TANGO2: variants seen among roughly 807,000 people sequenced by gnomAD.
The protein encoded by TANGO2 is transport and Golgi organization protein 2 homolog.
Under a neutral mutation model 39.1 loss-of-function variants are expected in TANGO2, and 26 were observed. The ratio of observed to expected loss-of-function variants is 0.67; its 90% CI spans 0.49 to 0.92. The LOEUF is 0.92. Ranked by LOEUF, TANGO2 falls within the 40% of genes least tolerant of loss-of-function variation. The pLI is 0.00. For missense variants in TANGO2, 326 were observed against 360.1 expected, an observed-to-expected ratio of 0.91 and a Z score of 0.77; for synonymous variants, 131 against 144.5, an observed-to-expected ratio of 0.91 and a Z score of 0.67.
chr22:20,037,778 G>A (rs1280471037), intron 2 of TANGO2, among the ~76,000 whole-genome samples: 1 of 152,206 alleles, frequency 6.6e-6, no homozygotes, highest in African/African-American at 2.4e-5. Context: ...TGTTGGGCTG[G>A]CTAGTGAGTG....
intron 6 of TANGO2, 187 bp from the exon 7 acceptor site, chr22:20,061,343 C>A: frequency 1.6e-6 from 1 of 626,228 alleles, no homozygotes; most frequent in Non-Finnish European, 2.6e-6. Flanking sequence ...GAGTTCTCCT[C>A]TCCTTGCCAT....
intron 2 of TANGO2, among the ~76,000 whole-genome samples, chr22:20,041,232 C>G (rs984717739): frequency 6.6e-6 from 1 of 152,188 alleles, no homozygotes; most frequent in Non-Finnish European, 1.5e-5. Context: ...CTGCAACCTC[C>G]GCCTCCCGGG....
intron 3 of TANGO2, among the ~76,000 whole-genome samples, chr22:20,051,252 C>T (rs909621545): frequency 6.6e-6 from 1 of 151,862 alleles, no homozygotes; most frequent in African/African-American, 2.4e-5. Context: ...TATCTTAGGG[C>T]CAGGCACGGT....
intron 5 of TANGO2, chr22:20,055,667 G>A (rs756790545): frequency 7.6e-6 from 4 of 527,044 alleles, no homozygotes; most frequent in Middle Eastern, 5.2e-4. Context: ...TGGGGCATTC[G>A]GCATGGCAGG....
chr22:20,017,155 C>T (rs1945241390), upstream of TANGO2: 1 of 152,322 alleles, frequency 6.6e-6, no homozygotes, highest in African/African-American at 2.4e-5. Context: ...TCCCCGGACT[C>T]TGGCCGCGTA....
chr22:20,057,560 A>G lies in TANGO2; in HGVS notation c.451+1547A>G, dbSNP rs929316948. On this transcript the variant is annotated intron_variant, in intron 6 of 8. Transcript: ENST00000327374. This position sits in a 1 kb window ranked among gnomAD's most constrained non-coding sequence, Gnocchi z 4.1. ...TGTGGGCAGCCCACCTGAGCTCCCA[A>G]GAGCTGGGCAGTGGCACAGACACAG... 3.3e-5 allele frequency among the ~76,000 whole-genome samples: 5 copies of G among 152,200 alleles called. No homozygotes were observed. Among genetic ancestry groups the G allele is most frequent in the Non-Finnish European group, 5.9e-5 (4 of 68,032 alleles).
chr22:20,066,808 GC>G lies in TANGO2; in HGVS notation c.*2152del, dbSNP rs1417380704. Among the ~76,000 whole-genome samples the G allele has an allele frequency of 6.6e-6, 1 of 152,046 alleles. No individual in the cohort carries two copies. The highest frequency in any genetic ancestry group is 1.5e-5 in the Non-Finnish European group (1 of 68,018). On this transcript the variant is annotated 3_prime_UTR_variant, in exon 9 of 9. Transcript: ENST00000327374. ...GGATGGTGCCCTGCCCTCATGAAGAGCCCCCCGGATGTTCACCTCTGCCCAG... is the reference window on the plus strand; with the variant it reads ...GGATGGTGCCCTGCCCTCATGAAGAGCCCCCGGATGTTCACCTCTGCCCAG...
chr22:20,060,077 C>T (rs1244362960), intron 6 of TANGO2, among the ~76,000 whole-genome samples: 6 of 151,842 alleles, frequency 4.0e-5, no homozygotes, highest in Admixed American at 6.6e-5. Flanking sequence ...CAGCCGGGCG[C>T]GGTGGCTCAC....
At chr22:20,063,737 A>C in intron 8 of TANGO2, 2 of 363,534 alleles carry the variant, frequency 5.5e-6, no homozygotes, top group Non-Finnish European at 1.0e-5. Flanking sequence ...GCACCATGGC[A>C]CTAGGCCTGC....
chr22:20,061,999 T>A lies in TANGO2; in HGVS notation c.605+316T>A, dbSNP rs1000875570. Reference sequence around the variant, plus strand: ...ATGCTCCCCTCTGCATGCCGAGAGCTTGTGGGAAGTTCCAGAAGATTCTAG... The same window carrying A: ...ATGCTCCCCTCTGCATGCCGAGAGCATGTGGGAAGTTCCAGAAGATTCTAG... On this transcript the variant is annotated intron_variant, in intron 7 of 8. Coordinates refer to ENST00000327374, the MANE Select transcript of TANGO2 (RefSeq NM_152906.7). 2.6e-5 allele frequency among the ~76,000 whole-genome samples: 4 copies of A among 152,166 alleles called. No individual in the cohort carries two copies. In the East Asian group the frequency reaches 5.8e-4, roughly 22 times the overall value.
rs9618735 is a variant in TANGO2 at position 20,066,967 on chromosome 22, T to G, written c.*2305T>G. On this transcript the variant is annotated 3_prime_UTR_variant, in exon 9 of 9. Transcript: ENST00000327374. The stretch of plus-strand genomic sequence containing the variant: ...CTCAATGGTGATTCTATTGGTGTTA[T>G]GAGTTGTGTCCCCAAAGAGATATAT... The G allele has an allele frequency of 6.6e-6, 1 of 152,214 alleles. No homozygotes were observed. The highest frequency in any genetic ancestry group is 2.4e-5 in the African/African-American group (1 of 41,444). The allele number at this position is 152,214 out of a possible 1,614,324, so 9.4% of individuals were successfully genotyped here.
rs542587938 is a variant in TANGO2 at position 20,025,233 on chromosome 22, C to T, written c.-40+3987C>T. The stretch of plus-strand genomic sequence containing the variant: ...TCAGCCTCCTGAGTAGCTGGGATTA[C>T]AGGCGTGCATCACCACGCCCTGCTA... On this transcript the variant is annotated intron_variant, in intron 1 of 8. Coordinates refer to ENST00000327374, the MANE Select transcript of TANGO2 (RefSeq NM_152906.7). Among the ~76,000 whole-genome samples, 3 of 150,906 alleles carry T rather than the reference C, an allele frequency of 2.0e-5. No individual in the cohort carries two copies. In the East Asian group the frequency reaches 6.1e-4, roughly 31 times the overall value.
At chr22:20,052,378 G>GCCGC in intron 3 of TANGO2, 87 bp from the exon 4 acceptor site, 6 of 1,527,622 alleles carry the variant, frequency 3.9e-6, no homozygotes, top group Non-Finnish European at 5.3e-6. Flanking sequence ...CAGGAGCTGG[G>GCCGC]CCGAGTATGC....
chr22:20,062,623 A>C (rs1025350319), intron 7 of TANGO2, among the ~76,000 whole-genome samples: 2 of 152,246 alleles, frequency 1.3e-5, no homozygotes, highest in Non-Finnish European at 2.9e-5. Context: ...CAGGCCGAGG[A>C]CCGGCCCTGG....
chr22:20,037,238 A>G, intron 2 of TANGO2: 1 of 962,274 alleles, frequency 1.0e-6, no homozygotes, highest in East Asian at 2.6e-5. Flanking sequence ...GAGAAGTCAA[A>G]GTGGCGGCCA....
chr22:20,043,623 A>C (rs1225371062), intron 3 of TANGO2, among the ~76,000 whole-genome samples, 180 bp downstream of exon 3: 1 of 152,136 alleles, frequency 6.6e-6, no homozygotes, highest in Non-Finnish European at 1.5e-5. Context: ...AGAGCTGCCC[A>C]CCCAGCACTG....
At chr22:20,019,526 G>A (rs545463729), upstream of TANGO2, among the ~76,000 whole-genome samples, 1 of 152,366 alleles carries the variant, frequency 6.6e-6, no homozygotes, top group East Asian at 1.9e-4. Context: ...GGCTGGGGGT[G>A]GGGATGGCCC....
intron 2 of TANGO2, among the ~76,000 whole-genome samples, chr22:20,038,206 A>G (rs2043219222): frequency 1.3e-5 from 2 of 152,258 alleles, no homozygotes; most frequent in South Asian, 4.1e-4. Context: ...AGTCGTCTGC[A>G]TACCGAGAAG....
At chr22:20,029,964 A>G (rs1021114212) in intron 1 of TANGO2, among the ~76,000 whole-genome samples, 1 of 151,974 alleles carries the variant, frequency 6.6e-6, no homozygotes, top group African/African-American at 2.4e-5. Flanking sequence ...TCAGATATGG[A>G]TGAGCCTCAC....
Sources: gnomAD v4.1 joint callset for allele counts (sites outside exome capture counted in the v4.1 genomes callset) on GRCh38, gnomAD v4.1.1 for gene constraint, Gnocchi (gnomAD v3.1) non-coding constraint, MANE v1.5 for transcripts, NCBI Gene and HGNC (gene_info 2026-07-23, HGNC 2026-07-21) for gene names.